CORO7: variants seen among roughly 807,000 people sequenced by gnomAD.
CORO7 encodes coronin 7, also known as coronin-7.
In CORO7, 107 loss-of-function variants were observed where a neutral mutation model predicts 126.6. That is an observed-to-expected ratio of 0.85 (90% CI 0.72 to 0.99). The LOEUF (loss-of-function observed/expected upper bound fraction) is 0.99, where lower values mean the gene tolerates loss of function less well. Ranked by LOEUF, CORO7 falls within the 50% of genes least tolerant of loss-of-function variation. The pLI is 0.00. For synonymous variants in CORO7, 603 were observed against 536.8 expected (o/e 1.12, Z -1.70); for missense variants, 1,314 against 1,255.8 (o/e 1.05, Z -0.70).
chr16:4,385,889 A>C (rs2055178142), intron 9 of CORO7, among the ~76,000 whole-genome samples: 1 of 152,228 alleles, frequency 6.6e-6, no homozygotes, highest in Non-Finnish European at 1.5e-5. Flanking sequence ...AAAATCTGTA[A>C]AACAGAAGAA....
chr16:4,388,100 G>A (rs199841381), intron 8 of CORO7, 32 bp from the exon 9 acceptor site: 8 of 1,598,122 alleles, frequency 5.0e-6, no homozygotes, highest in Non-Finnish European at 6.8e-6. Flanking sequence ...GGCTCAGAGG[G>A]GCCTGTCCCT....
In CORO7 at chr16:4,364,796, G is replaced by A. The variant is rs150690426; in HGVS notation, c.1023C>T (p.Ile341=). ...TCACCTTGCGGGGCACATGGTAGCC[G>A]ATGGGCACGATGGCTGTGTCGCTCA... ...LQLSDTAIVP[I]GYHVPRKAVE... is the part of the protein sequence containing the mutation. Residue 341 remains isoleucine (I), a synonymous_variant, in exon 12 of 28, where the codon ATC becomes ATT. Coordinates refer to ENST00000251166, the MANE Select transcript of CORO7 (RefSeq NM_024535.5). 80 of 1,611,284 alleles carry A rather than the reference G, an allele frequency of 5.0e-5. No homozygotes were observed. The African/African-American group carries it at 8.0e-4, about 16-fold the overall frequency.
Position 4,390,071 on chromosome 16 carries a change from T to C in CORO7, c.616-1440A>G, listed in dbSNP as rs77920775. On this transcript the variant is annotated intron_variant, in intron 7 of 27. Transcript: ENST00000251166. ...GTGAATAAAATGGGGAAAGTCCCTG[T>C]GCCCGTGGAATAAACACATCGGGGA... Among the ~76,000 whole-genome samples, 1,133 of 152,294 alleles carry C rather than the reference T, an allele frequency of 7.4e-3. 77 individuals carry two copies. The East Asian group carries it at 0.18, about 24-fold the overall frequency.
At chr16:4,396,011 T>TGTGTGTGTGTGTGTAC (rs1370006818) in intron 6 of CORO7, among the ~76,000 whole-genome samples, 1 of 151,548 alleles carries the variant, frequency 6.6e-6, no homozygotes, top group African/African-American at 2.4e-5. Flanking sequence ...TGTGTGTGTG[T>TGTGTGTGTGTGTGTAC]ACACAAACAT....
At chr16:4,410,622 A>T (rs1457974618) in intron 3 of CORO7, among the ~76,000 whole-genome samples, 1 of 152,252 alleles carries the variant, frequency 6.6e-6, no homozygotes, top group African/African-American at 2.4e-5. Context: ...ACACACATGT[A>T]TCTCTAAAAC....
chr16:4,395,996 T>TGTGTG (rs55837244), intron 6 of CORO7, among the ~76,000 whole-genome samples: 2,121 of 151,214 alleles, frequency 0.014, 54 homozygotes, highest in African/African-American at 0.049. Flanking sequence ...CATGCACACG[T>TGTGTG]TGTGTGTGTG....
intron 5 of CORO7, among the ~76,000 whole-genome samples, chr16:4,406,010 C>T (rs2055984918): frequency 6.6e-6 from 1 of 152,184 alleles, no homozygotes; most frequent in Admixed American, 6.5e-5. Flanking sequence ...AGTCCTAACC[C>T]CCACTACTTT....
chr16:4,403,735 CAGG>C (rs2055896447), intron 6 of CORO7, among the ~76,000 whole-genome samples: 1 of 152,188 alleles, frequency 6.6e-6, no homozygotes, highest in Admixed American at 6.5e-5. Context: ...CTCGGACCCC[CAGG>C]AGGAGGGCCT....
Position 4,381,322 on chromosome 16 carries a change from C to T in CORO7, c.785+6664G>A, listed in dbSNP as rs766743750. The T allele has an allele frequency of 2.5e-5, 40 of 1,611,036 alleles. No homozygotes were observed. Among genetic ancestry groups the T allele is most frequent in the African/African-American group, 1.9e-4 (14 of 74,884 alleles). On this transcript the variant is annotated intron_variant, in intron 9 of 27. Coordinates refer to ENST00000251166, the MANE Select transcript of CORO7 (RefSeq NM_024535.5). ...GCCTGGTGCCTTCGACACGCTCGAC[C>T]GCCTCCTGGAGCTCAAGCTGCAGGA... is the stretch of plus-strand genomic sequence containing the variant.
At chr16:4,416,307 G>A in intron 1 of CORO7, 152 bp downstream of exon 1, 2 of 1,148,028 alleles carry the variant, frequency 1.7e-6, no homozygotes, top group East Asian at 6.4e-5. Context: ...CGGCCCGGAC[G>A]CCGGGGCCCT....
In CORO7 at chr16:4,398,556, C is replaced by G. The variant is rs1023917596; in HGVS notation, c.565-3217G>C. 1.1e-4 allele frequency among the ~76,000 whole-genome samples: 17 copies of G among 151,828 alleles called. No homozygotes were observed. The East Asian group carries it at 3.3e-3, about 29-fold the overall frequency. On this transcript the variant is annotated intron_variant, in intron 6 of 27. Transcript: ENST00000251166. ...TGGCGTGCACCTGTAATACCAGCTA[C>G]TCGGGAGGCTGAGGAAGGAGAATTG...
At chr16:4,382,362 T>A (rs969121236) in intron 9 of CORO7, 2 of 1,612,144 alleles carry the variant, frequency 1.2e-6, no homozygotes, top group Non-Finnish European at 8.5e-7. Context: ...GGAGCCTCCG[T>A]CTCACCTATC....
At chr16:4,410,551 T>C (rs1333692678) in intron 3 of CORO7, among the ~76,000 whole-genome samples, 1 of 152,212 alleles carries the variant, frequency 6.6e-6, no homozygotes, top group Non-Finnish European at 1.5e-5. Context: ...ATGGGTTGTT[T>C]TAAAACCTAC....
intron 9 of CORO7, among the ~76,000 whole-genome samples, chr16:4,370,033 G>A (rs185752642): frequency 4.6e-5 from 7 of 152,292 alleles, no homozygotes; most frequent in Admixed American, 3.3e-4. Context: ...TTGGGGCAGG[G>A]GGTGAACACC....
intron 21 of CORO7, 121 bp downstream of exon 21, chr16:4,360,157 A>C: frequency 7.7e-7 from 1 of 1,299,990 alleles, no homozygotes; most frequent in Admixed American, 2.0e-5. Context: ...CTACCCACCC[A>C]CCCAACCATC....
chr16:4,404,766 G>A (rs1300384394), intron 6 of CORO7, among the ~76,000 whole-genome samples: 4 of 151,974 alleles, frequency 2.6e-5, no homozygotes, highest in Admixed American at 6.6e-5. Context: ...CGCCACTCCC[G>A]GCAGAGAACA....
chr16:4,408,020 C>T (rs1596338892), intron 4 of CORO7, among the ~76,000 whole-genome samples, 161 bp downstream of exon 4: 1 of 152,260 alleles, frequency 6.6e-6, no homozygotes, highest in East Asian at 1.9e-4. Flanking sequence ...CCCTTGGGAG[C>T]CAGTGTGGGA....
chr16:4,395,308 G>A lies in CORO7; in HGVS notation c.596C>T (p.Thr199Ile), dbSNP rs1490746577. ...DKQLRIFDPR[T>I]KPRASQSTQA... ...ACTCACCTGAGAGGCCCGCGGCTTT[G>A]TTCTGGGGTCAAAGATCCGCAGCTG... The change falls in exon 7 of 28, where the codon ACA becomes ATA. Residue 199 changes from threonine (T) to isoleucine (I), a missense_variant. Physicochemically the swap from Thr to Ile is moderately conservative, Grantham distance 89 (BLOSUM62 -1). Transcript: ENST00000251166. 2 of 1,613,958 alleles carry A rather than the reference G, an allele frequency of 1.2e-6. No homozygotes were observed. Among genetic ancestry groups the A allele is most frequent in the African/African-American group, 2.7e-5 (2 of 74,926 alleles).
intron 1 of CORO7, chr16:4,415,672 C>G (rs1474588991): frequency 4.1e-6 from 4 of 982,290 alleles, no homozygotes; most frequent in Admixed American, 1.2e-4. Context: ...CACTTGAGGT[C>G]AACTCCTAGG....
Sources: allele counts gnomAD v4.1 joint callset (sites outside exome capture counted in the v4.1 genomes callset), GRCh38; gene constraint gnomAD v4.1.1; transcripts MANE v1.5; gene names NCBI Gene and HGNC (gene_info 2026-07-23, HGNC 2026-07-21).